The following FMN2 variants were observed in gnomAD, a reference collection of about 807,000 sequenced individuals.
FMN2 encodes formin 2, also known as formin-2.
In FMN2, 51 loss-of-function variants were observed where a neutral mutation model predicts 142.3. The observed-to-expected ratio is 0.36, with a 90% CI of 0.29 to 0.45. FMN2 has a LOEUF of 0.45. FMN2 is among the 20% of genes least tolerant of loss of function. The pLI is 1.00. For synonymous variants in FMN2, 882 were observed against 869.8 expected (o/e 1.01, Z -0.25); for missense variants, 1,936 against 2,122.8 (o/e 0.91, Z 1.73).
chr1:240,358,407 C>A (rs1672345275), intron 14 of FMN2, among the ~76,000 whole-genome samples: 1 of 152,154 alleles, frequency 6.6e-6, no homozygotes, highest in African/African-American at 2.4e-5. Context: ...ACTCTCAAAG[C>A]TGTTTTCAAG....
At chr1:240,205,713 G>A (rs544332905) in intron 4 of FMN2, among the ~76,000 whole-genome samples, 5 of 151,148 alleles carry the variant, frequency 3.3e-5, no homozygotes, top group South Asian at 2.1e-4. Flanking sequence ...CACCCGCCTC[G>A]GCCTCCCAAA....
At chr1:240,447,081 A>C (rs1391718249) in intron 16 of FMN2, among the ~76,000 whole-genome samples, 1 of 152,214 alleles carries the variant, frequency 6.6e-6, no homozygotes, top group Non-Finnish European at 1.5e-5. Context: ...GCAGGGTTGA[A>C]GCTAACAACA....
At chr1:240,143,432 C>T (rs1421503028) in intron 2 of FMN2, 1 of 1,443,196 alleles carries the variant, frequency 6.9e-7, no homozygotes, top group Non-Finnish European at 9.7e-7. Flanking sequence ...ACAGCCACTC[C>T]CTGATGTGCT....
At chr1:240,277,458 A>G (rs1669253605) in intron 7 of FMN2, among the ~76,000 whole-genome samples, 1 of 149,908 alleles carries the variant, frequency 6.7e-6, no homozygotes, top group Admixed American at 6.6e-5. Flanking sequence ...TTTCAAATAA[A>G]TGGAGGGAGA....
chr1:240,361,188 A>G (rs1238448798), intron 14 of FMN2, among the ~76,000 whole-genome samples: 3 of 92,528 alleles, frequency 3.2e-5, no homozygotes, highest in African/African-American at 9.8e-5. Flanking sequence ...TATATATAAA[A>G]GAGTTTAAAG....
chr1:240,175,931 T>C (rs1336208102), intron 2 of FMN2, among the ~76,000 whole-genome samples: 1 of 152,196 alleles, frequency 6.6e-6, no homozygotes, highest in Non-Finnish European at 1.5e-5. Flanking sequence ...TGTTAGGAGT[T>C]CTTTCTATAT....
intron 7 of FMN2, chr1:240,285,255 T>C (rs191041059): frequency 2.2e-6 from 1 of 455,444 alleles, no homozygotes; most frequent in East Asian, 7.0e-5. Context: ...CGATTCATGA[T>C]GTGTTGGATG....
chr1:240,468,206 ATG>A (rs199866888), intron 16 of FMN2, among the ~76,000 whole-genome samples: 17,598 of 147,780 alleles, frequency 0.12, 1,430 homozygotes, highest in East Asian at 0.22. Context: ...ATATATATAT[ATG>A]TGTGTGTGTG....
chr1:240,464,669 C>T (rs1038228747), intron 16 of FMN2, among the ~76,000 whole-genome samples: 8 of 151,852 alleles, frequency 5.3e-5, no homozygotes, highest in African/African-American at 1.7e-4. Flanking sequence ...GAAAGGAATA[C>T]GATGTGTGTA....
chr1:240,454,908 T>A (rs9442202), intron 16 of FMN2, among the ~76,000 whole-genome samples: 112,994 of 151,754 alleles, frequency 0.74, 42,229 homozygotes, highest in Middle Eastern at 0.82. Flanking sequence ...GAATGGACGG[T>A]TGGTTAGATG....
At chr1:240,098,702 C>T (rs1240945249) in intron 1 of FMN2, among the ~76,000 whole-genome samples, 2 of 152,168 alleles carry the variant, frequency 1.3e-5, no homozygotes, top group Non-Finnish European at 2.9e-5. Context: ...GATCTTCAAT[C>T]ATTTTAGATG....
rs190329522 is a variant in FMN2 at position 240,343,186 on chromosome 1, T to G, written c.4765+8957T>G. On this transcript the variant is annotated intron_variant, in intron 13 of 17. Transcript: ENST00000319653. ...GTGAAGACTGTGCGCATATGTGGTT[T>G]GAAAAAGCCTCCCAGCCAGTAATTC... 2.4e-3 allele frequency among the ~76,000 whole-genome samples: 361 copies of G among 152,312 alleles called. 2 individuals carry two copies. Among genetic ancestry groups the G allele is most frequent in the Non-Finnish European group, 3.8e-3 (259 of 68,030 alleles).
intron 2 of FMN2, chr1:240,144,788 AT>A: frequency 7.1e-7 from 1 of 1,418,236 alleles, no homozygotes; most frequent in Admixed American, 1.7e-5. Context: ...GTCGTGGACC[AT>A]GTTGTAGGGG....
At chr1:240,186,548 T>C (rs1403694168) in intron 3 of FMN2, among the ~76,000 whole-genome samples, 1 of 151,506 alleles carries the variant, frequency 6.6e-6, no homozygotes, top group Non-Finnish European at 1.5e-5. Context: ...TGCCAAGGAG[T>C]GGGTGGGGTC....
intron 6 of FMN2, among the ~76,000 whole-genome samples, chr1:240,254,867 C>G (rs1035853509): frequency 1.3e-5 from 2 of 152,130 alleles, no homozygotes; most frequent in Non-Finnish European, 1.5e-5. Context: ...GGCCCCAGGC[C>G]AGGATGCAGT....
intron 2 of FMN2, among the ~76,000 whole-genome samples, chr1:240,167,402 C>G (rs1489620861): frequency 6.6e-6 from 1 of 152,136 alleles, no homozygotes; most frequent in African/African-American, 2.4e-5. Flanking sequence ...CCCACTTTGT[C>G]CTCCCAAAGT....
chr1:240,313,995 T>C (rs1034906880), intron 8 of FMN2, among the ~76,000 whole-genome samples: 14 of 152,040 alleles, frequency 9.2e-5, no homozygotes, highest in Non-Finnish European at 1.8e-4. Flanking sequence ...ATAGTGTATG[T>C]TAACATCCTG....
At chr1:240,264,198 C>T (rs1668719757) in intron 7 of FMN2, among the ~76,000 whole-genome samples, 1 of 151,974 alleles carries the variant, frequency 6.6e-6, no homozygotes, top group Non-Finnish European at 1.5e-5. Context: ...TATGACTTCT[C>T]ATTGGAATCA....
At chr1:240,425,759 A>G (rs1572294605) in intron 15 of FMN2, among the ~76,000 whole-genome samples, 1 of 152,202 alleles carries the variant, frequency 6.6e-6, no homozygotes, top group East Asian at 1.9e-4. Context: ...AACCTGAGGG[A>G]GAACGTGGTG....
Sources: allele counts gnomAD v4.1 joint callset (sites outside exome capture counted in the v4.1 genomes callset), GRCh38; gene constraint gnomAD v4.1.1; transcripts MANE v1.5; gene names NCBI Gene and HGNC (gene_info 2026-07-23, HGNC 2026-07-21).